Variants in AGAP1 observed in about 807,000 individuals in gnomAD.
The protein encoded by AGAP1 is ArfGAP with GTPase domain, ankyrin repeat and PH domain 1.
AGAP1 carries 29 observed loss-of-function variants against 105.3 expected under a neutral mutation model. The ratio of observed to expected loss-of-function variants is 0.28; its 90% CI spans 0.21 to 0.38. AGAP1 has a LOEUF of 0.38. Among genes scored for constraint, AGAP1 ranks in the 10% least tolerant of loss-of-function variants. The probability of loss-of-function intolerance (pLI) is 1.00; values close to 1 mark genes in which losing one functional copy is unlikely to be tolerated. For synonymous variants in AGAP1, 509 were observed against 485.9 expected, an observed-to-expected ratio of 1.05 and a Z score of -0.63; for missense variants, 998 against 1,165.1, an observed-to-expected ratio of 0.86 and a Z score of 2.09.
Position 235,612,452 on chromosome 2 carries a change from T to C in AGAP1, c.164-96727T>C. ...GTAATGAGATCTCAGGGGCAGCGCC[T>C]AGAGTGCTGGGCCCTTCCAGATGAT... is the stretch of plus-strand genomic sequence containing the variant. On this transcript the variant is annotated intron_variant, in intron 1 of 17. Transcript: ENST00000304032. This position sits in a 1 kb window ranked among gnomAD's most constrained non-coding sequence, Gnocchi z 4.3. Among the ~76,000 whole-genome samples the C allele has an allele frequency of 6.6e-6, 1 of 152,228 alleles. No individual in the cohort carries two copies.
At position 235,574,349 on chromosome 2, in the gene AGAP1, G is replaced by T. The variant is rs910906163; in HGVS notation, c.163+79500G>T. On this transcript the variant is annotated intron_variant, in intron 1 of 17. Coordinates refer to ENST00000304032, the MANE Select transcript of AGAP1 (RefSeq NM_001037131.3). The surrounding 1 kb of genome is among the most constrained non-coding windows in gnomAD (Gnocchi z 5.0). ...CTTAAGGGAAAGGCCTCAATGGATTGATTTAATTGTATGTGTGAAGCATTT... is the reference window on the plus strand; with the variant it reads ...CTTAAGGGAAAGGCCTCAATGGATTTATTTAATTGTATGTGTGAAGCATTT... Among the ~76,000 whole-genome samples the T allele has an allele frequency of 2.0e-5, 3 of 152,218 alleles. 1 individual carries two copies. Among genetic ancestry groups the T allele is most frequent in the African/African-American group, 7.2e-5 (3 of 41,470 alleles).
chr2:235,634,309 C>T (rs1946922852), intron 1 of AGAP1, among the ~76,000 whole-genome samples: 2 of 152,194 alleles, frequency 1.3e-5, no homozygotes, highest in African/African-American at 4.8e-5. Flanking sequence ...ATCGACACAT[C>T]CTTTGGAGTC....
Position 235,970,861 on chromosome 2 carries a change from T to C in AGAP1, c.1645+2238T>C, listed in dbSNP as rs1188410938. 6.6e-6 allele frequency among the ~76,000 whole-genome samples: 1 copy of C among 152,136 alleles called. No individual in the cohort carries two copies. Among genetic ancestry groups the C allele is most frequent in the African/African-American group, 2.4e-5 (1 of 41,416 alleles). On this transcript the variant is annotated intron_variant, in intron 13 of 17. Coordinates refer to ENST00000304032, the MANE Select transcript of AGAP1 (RefSeq NM_001037131.3). The surrounding 1 kb of genome is among the most constrained non-coding windows in gnomAD (Gnocchi z 5.4). ...CACTTGCTGAGTGAGTGGGATGGTA[T>C]GTGTGTGCGAGGCAATAGTGGATAC...
At chr2:235,594,883 GTTTTTTTTTTTTT>G (rs34386154) in intron 1 of AGAP1, among the ~76,000 whole-genome samples, 2 of 109,912 alleles carry the variant, frequency 1.8e-5, no homozygotes, top group Middle Eastern at 5.9e-3. Context: ...CCAGATTGCT[GTTTTTTTTTTTTT>G]TTTTTTTTTT....
chr2:235,791,178 A>G (rs371969164), intron 6 of AGAP1, among the ~76,000 whole-genome samples: 1 of 152,248 alleles, frequency 6.6e-6, no homozygotes, highest in Non-Finnish European at 1.5e-5. Context: ...GAAAAATTCT[A>G]CATATTTCTT....
At chr2:235,685,853 G>A (rs1427833373) in intron 1 of AGAP1, among the ~76,000 whole-genome samples, 1 of 152,130 alleles carries the variant, frequency 6.6e-6, no homozygotes, top group Non-Finnish European at 1.5e-5. Flanking sequence ...GGTGGCCTGA[G>A]CACAGCTTGG....
chr2:236,100,777 C>T (rs2059326618), intron 16 of AGAP1, among the ~76,000 whole-genome samples: 1 of 151,698 alleles, frequency 6.6e-6, no homozygotes, highest in Admixed American at 6.6e-5. Flanking sequence ...CTGCAGTGAG[C>T]CGAGATCGTG....
chr2:235,819,588 T>C (rs1958664281), intron 9 of AGAP1, among the ~76,000 whole-genome samples: 1 of 152,138 alleles, frequency 6.6e-6, no homozygotes, highest in Admixed American at 6.5e-5. Flanking sequence ...TCGTGAAAAT[T>C]TTCCTAGCCG....
intron 6 of AGAP1, among the ~76,000 whole-genome samples, chr2:235,797,369 A>G (rs980376944): frequency 6.6e-6 from 1 of 152,006 alleles, no homozygotes; most frequent in Admixed American, 6.5e-5. Flanking sequence ...TCCTGTTCCC[A>G]GTGTCGCCTC....
At position 236,049,206 on chromosome 2, in the gene AGAP1, T is replaced by G; in HGVS notation, c.2039T>G (p.Ile680Ser). Residue 680 changes from isoleucine (I) to serine (S), a missense_variant, in exon 16 of 18, where the codon ATC becomes AGC. Physicochemically the swap from Ile to Ser is moderately radical, Grantham distance 142. Transcript: ENST00000304032. Reference sequence around the variant, plus strand: ...GAGCTCATCAAGGTGATGTCATCCATCGGGAACGAGCTAGCCAACAGCGTC... The same window carrying G: ...GAGCTCATCAAGGTGATGTCATCCAGCGGGAACGAGCTAGCCAACAGCGTC... ...PVELIKVMSS[I>S]GNELANSVWE... is the part of the protein sequence containing the mutation. 6.2e-7 allele frequency: 1 copy of G among 1,614,142 alleles called. No homozygotes were observed. Among genetic ancestry groups the G allele is most frequent in the Non-Finnish European group, 8.5e-7 (1 of 1,180,034 alleles).
intron 6 of AGAP1, among the ~76,000 whole-genome samples, chr2:235,782,255 C>T (rs952831953): frequency 1.8e-5 from 2 of 113,664 alleles, no homozygotes; most frequent in African/African-American, 5.8e-5. Context: ...CACTCCTGCC[C>T]ATTTTTTTTT....
chr2:235,537,967 C>T (rs73118485), intron 1 of AGAP1, among the ~76,000 whole-genome samples: 2,881 of 152,244 alleles, frequency 0.019, 99 homozygotes, highest in African/African-American at 0.065. Context: ...TTGTACCAAC[C>T]GTACTAAGAG....
rs1228498737 is a variant in AGAP1 at position 235,871,491 on chromosome 2, G to C, written c.1051-11854G>C. On this transcript the variant is annotated intron_variant, in intron 9 of 17. Transcript: ENST00000304032. ...TCTGCCGGCCCCATTTCCATCCTAA[G>C]GTAGCATTTTCCTCACTGTCCTCAC... 2.0e-5 allele frequency among the ~76,000 whole-genome samples: 3 copies of C among 152,110 alleles called. No homozygotes were observed. The East Asian group carries it at 5.8e-4, about 29-fold the overall frequency.
chr2:235,689,591 T>G lies in AGAP1; in HGVS notation c.164-19588T>G, dbSNP rs771842416. Among the ~76,000 whole-genome samples the G allele has an allele frequency of 6.6e-6, 1 of 152,244 alleles. No homozygotes were observed. Among genetic ancestry groups the G allele is most frequent in the African/African-American group, 2.4e-5 (1 of 41,466 alleles). On this transcript the variant is annotated intron_variant, in intron 1 of 17. Transcript: ENST00000304032. The surrounding 1 kb of genome is among the most constrained non-coding windows in gnomAD (Gnocchi z 4.2). ...CAACTCCCCTCTTGTTTTCATTGTT[T>G]CAGGCAAATAATTTCTGATGGACAC... is the stretch of plus-strand genomic sequence containing the variant.
intron 1 of AGAP1, among the ~76,000 whole-genome samples, chr2:235,675,348 G>C (rs550293603): frequency 2.0e-5 from 3 of 151,904 alleles, no homozygotes; most frequent in African/African-American, 7.2e-5. Context: ...CCGCCACCAC[G>C]CCCGGCTAAT....
At chr2:235,512,080 C>T (rs980698991) in intron 1 of AGAP1, among the ~76,000 whole-genome samples, 7 of 68,714 alleles carry the variant, frequency 1.0e-4, no homozygotes, top group Non-Finnish European at 1.9e-4. Context: ...AATGTGAATG[C>T]GTGTGTGAAT....
rs992812543 is a variant in AGAP1, at chr2:235,989,124, G to A, written c.1645+20501G>A. On this transcript the variant is annotated intron_variant, in intron 13 of 17. Transcript: ENST00000304032. The surrounding 1 kb of genome is among the most constrained non-coding windows in gnomAD (Gnocchi z 4.4). Reference sequence around the variant, plus strand: ...ATGTGAGATGAAGATGATGATGATGGTTGTTGTTATTTAAAACTGCAAGAC... The same window carrying A: ...ATGTGAGATGAAGATGATGATGATGATTGTTGTTATTTAAAACTGCAAGAC... Among the ~76,000 whole-genome samples, 2 of 151,558 alleles carry A rather than the reference G, an allele frequency of 1.3e-5. No individual in the cohort carries two copies. The highest frequency in any genetic ancestry group is 4.9e-5 in the African/African-American group (2 of 40,990).
chr2:235,661,410 G>C (rs887735172), intron 1 of AGAP1, among the ~76,000 whole-genome samples: 6 of 152,036 alleles, frequency 3.9e-5, no homozygotes, highest in Non-Finnish European at 7.4e-5. Flanking sequence ...GGGTGTGGGC[G>C]GGAGGCAGGA....
At chr2:235,756,333 CCTAA>C (rs761923098) in intron 6 of AGAP1, among the ~76,000 whole-genome samples, 4 of 151,840 alleles carry the variant, frequency 2.6e-5, no homozygotes, top group Non-Finnish European at 4.4e-5. Context: ...GCCAATGCAC[CCTAA>C]CTTTTATTGG....
Sources: allele counts gnomAD v4.1 joint callset (sites outside exome capture counted in the v4.1 genomes callset), GRCh38; gene constraint gnomAD v4.1.1; non-coding constraint Gnocchi (gnomAD v3.1); transcripts MANE v1.5; gene names NCBI Gene and HGNC (gene_info 2026-07-23, HGNC 2026-07-21).